The following TENT4B variants were observed in gnomAD, a reference collection of about 807,000 sequenced individuals.
TENT4B encodes the protein PAP associated domain containing 5.
In TENT4B, 10 loss-of-function variants were observed where a neutral mutation model predicts 75.0. That is an observed-to-expected ratio of 0.13 (90% CI 0.08 to 0.23). The LOEUF is 0.23. TENT4B is among the 10% of genes least tolerant of loss of function. TENT4B has a pLI of 1.00. For synonymous variants in TENT4B, 350 were observed against 357.7 expected (o/e 0.98, Z 0.24); for missense variants, 579 against 893.8 (o/e 0.65, Z 4.49).
Position 50,233,948 on chromosome 16 carries a change from T to C in TENT4B, c.*4620T>C. ...GTATTTCAGTGAACATTTTTATTAGTAGTTGCATATCATCTCTAGTTCCAC... is the reference window on the plus strand; with the variant it reads ...GTATTTCAGTGAACATTTTTATTAGCAGTTGCATATCATCTCTAGTTCCAC... On this transcript the variant is annotated 3_prime_UTR_variant, in exon 12 of 12. Coordinates refer to ENST00000561678, the MANE Select transcript of TENT4B (RefSeq NM_001365324.3). 1.0e-5 allele frequency: 10 copies of C among 985,482 alleles called. No individual in the cohort carries two copies. Among genetic ancestry groups the C allele is most frequent in the Non-Finnish European group, 1.2e-5 (10 of 829,936 alleles). The allele number at this position is 985,482 out of a possible 1,614,324, so 61.0% of individuals were successfully genotyped here.
intron 10 of TENT4B, 128 bp downstream of exon 10, chr16:50,225,413 C>T: frequency 2.2e-6 from 2 of 893,776 alleles, no homozygotes; most frequent in Non-Finnish European, 3.2e-6. Context: ...TAATAACTTT[C>T]ATGCTTGTAC....
intron 1 of TENT4B, among the ~76,000 whole-genome samples, chr16:50,207,083 G>A (rs1217118101): frequency 6.8e-6 from 1 of 146,150 alleles, no homozygotes. Context: ...TTTTTTTTTG[G>A]CATCCTTTCC....
Position 50,234,391 on chromosome 16 carries a change from A to G in TENT4B, c.*5063A>G. 3 of 985,432 alleles carry G rather than the reference A, an allele frequency of 3.0e-6. No homozygotes were observed. Among genetic ancestry groups the G allele is most frequent in the Non-Finnish European group, 3.6e-6 (3 of 829,934 alleles). 61.0% of individuals were successfully genotyped at this position (985,432 alleles called of 1,614,324 possible). A position where few individuals can be genotyped will look rare whatever the true frequency, so the allele number is the denominator to read the frequency against. On this transcript the variant is annotated 3_prime_UTR_variant, in exon 12 of 12. Coordinates refer to ENST00000561678, the MANE Select transcript of TENT4B (RefSeq NM_001365324.3). ...GTGAAGTTCAGTACTTGCCTCTTAG[A>G]GGTTAGGCCATGCCTTTCAAAGAGA...
At chr16:50,196,019 G>A (rs1210138850) in intron 1 of TENT4B, among the ~76,000 whole-genome samples, 1 of 152,192 alleles carries the variant, frequency 6.6e-6, no homozygotes, top group East Asian at 1.9e-4. Flanking sequence ...AATAGTCAAT[G>A]TAGAACTTTA....
At chr16:50,175,040 C>T (rs1408050131) in intron 1 of TENT4B, among the ~76,000 whole-genome samples, 1 of 152,012 alleles carries the variant, frequency 6.6e-6, no homozygotes, top group Non-Finnish European at 1.5e-5. Flanking sequence ...CATGCCTGGC[C>T]CCTCTTACTC....
intron 11 of TENT4B, among the ~76,000 whole-genome samples, chr16:50,228,745 G>A (rs1280376061): frequency 2.0e-5 from 3 of 152,210 alleles, no homozygotes; most frequent in East Asian, 1.9e-4. Context: ...CTGAGGTCAC[G>A]AGAAAGCCAC....
At chr16:50,163,417 CTT>C (rs559720798) in intron 1 of TENT4B, among the ~76,000 whole-genome samples, 21 of 132,942 alleles carry the variant, frequency 1.6e-4, no homozygotes, top group Admixed American at 1.5e-4. Flanking sequence ...GATATAATTT[CTT>C]TTTTTTTTTT....
rs767069531 is a variant in TENT4B, at chr16:50,154,187, G to A, written c.566G>A (p.Arg189Gln). 7.0e-5 allele frequency: 106 copies of A among 1,506,410 alleles called. No individual in the cohort carries two copies. Among genetic ancestry groups the A allele is most frequent in the Admixed American group, 1.6e-4 (7 of 45,036 alleles). 93.3% of individuals were successfully genotyped at this position (1,506,410 alleles called of 1,614,324 possible). A position where few individuals can be genotyped will look rare whatever the true frequency, so the allele number is the denominator to read the frequency against. ...GGAGGGCGGGCCGCGGGGGGCGGCCGAGCAGACGGCGGCGGGGTCGTGTAC... is the reference window on the plus strand; with the variant it reads ...GGAGGGCGGGCCGCGGGGGGCGGCCAAGCAGACGGCGGCGGGGTCGTGTAC... ...PSGGRAAGGG[R>Q]ADGGGVVYSG... Residue 189 changes from arginine to glutamine, a missense_variant, in exon 1 of 12, where the codon CGA (arginine) becomes CAA (glutamine). Physicochemically the swap from Arg to Gln is conservative, Grantham distance 43. Transcript: ENST00000561678.
chr16:50,224,936 T>C lies in TENT4B; in HGVS notation c.1554T>C (p.Tyr518=), dbSNP rs767230719. ...GAGTAACAGATGAAGTTGCCACATA[T>C]AGAGATTGGATATCAAAGCAGTGGG... ...IIRVTDEVAT[Y]RDWISKQWGL... Residue 518 remains tyrosine, a synonymous_variant, in exon 9 of 12, where the codon TAT becomes TAC. Coordinates refer to ENST00000561678, the MANE Select transcript of TENT4B (RefSeq NM_001365324.3). 32 of 1,613,798 alleles carry C rather than the reference T, an allele frequency of 2.0e-5. 1 individual carries two copies. The highest frequency in any genetic ancestry group is 1.6e-4 in the Middle Eastern group (1 of 6,082).
chr16:50,189,511 T>G (rs1325488312), intron 1 of TENT4B, among the ~76,000 whole-genome samples: 2 of 152,154 alleles, frequency 1.3e-5, no homozygotes, highest in Admixed American at 6.6e-5. Context: ...GACTAAAACA[T>G]GAACTGAGGC....
chr16:50,208,270 AT>A (rs2031094050), intron 1 of TENT4B, among the ~76,000 whole-genome samples: 1 of 152,210 alleles, frequency 6.6e-6, no homozygotes, highest in Admixed American at 6.5e-5. Context: ...GCCATGGGCT[AT>A]TGATTGTTGA....
chr16:50,154,407 C>G, intron 1 of TENT4B, 148 bp downstream of exon 1: 1 of 1,236,076 alleles, frequency 8.1e-7, no homozygotes, highest in Non-Finnish European at 1.0e-6. Flanking sequence ...GCTGGCCATC[C>G]CCAACCCCCC....
Position 50,233,535 on chromosome 16 carries a change from A to G in TENT4B, c.*4207A>G. On this transcript the variant is annotated 3_prime_UTR_variant, in exon 12 of 12. Coordinates refer to ENST00000561678, the MANE Select transcript of TENT4B (RefSeq NM_001365324.3). ...TTTGGTCAAAGATAATGAGCTAAAT[A>G]TATATAGACGTTGAATGTTGACAAA... 2.0e-6 allele frequency: 2 copies of G among 985,156 alleles called. No homozygotes were observed. The highest frequency in any genetic ancestry group is 2.4e-6 in the Non-Finnish European group (2 of 829,788). The allele number at this position is 985,156 out of a possible 1,614,324, so 61.0% of individuals were successfully genotyped here.
Position 50,155,890 on chromosome 16 carries a change from C to T in TENT4B, c.638+1631C>T, listed in dbSNP as rs181355289. 6.8e-4 allele frequency among the ~76,000 whole-genome samples: 104 copies of T among 152,224 alleles called. 1 individual carries two copies. The South Asian group carries it at 0.01, about 15-fold the overall frequency. On this transcript the variant is annotated intron_variant, in intron 1 of 11. Coordinates refer to ENST00000561678, the MANE Select transcript of TENT4B (RefSeq NM_001365324.3). ...CGAAAACCTTGAAGTTCCTTAATTG[C>T]ATTTTACTGAAGCCTCTTTGCATGT...
rs2032287541 is a variant in TENT4B, at chr16:50,231,340, G to A, written c.*2012G>A. 7 of 981,452 alleles carry A rather than the reference G, an allele frequency of 7.1e-6. No individual in the cohort carries two copies. The highest frequency in any genetic ancestry group is 7.3e-6 in the Non-Finnish European group (6 of 825,942). The allele number at this position is 981,452 out of a possible 1,614,324, so 60.8% of individuals were successfully genotyped here. ...GACAATTGTGAATGTGTAGACTTAT[G>A]TTTACTGCTAAGGGAACAATTATTT... On this transcript the variant is annotated 3_prime_UTR_variant, in exon 12 of 12. Coordinates refer to ENST00000561678, the MANE Select transcript of TENT4B (RefSeq NM_001365324.3).
At chr16:50,201,749 A>G (rs1026156014) in intron 1 of TENT4B, among the ~76,000 whole-genome samples, 4 of 151,782 alleles carry the variant, frequency 2.6e-5, no homozygotes, top group African/African-American at 7.3e-5. Context: ...AGGCTGAGAC[A>G]TGAGAATCAC....
rs773800089 is a variant in TENT4B, at chr16:50,225,246, G to T, written c.1761G>T (p.Val587=). ...CTTCAAACTCTTCATCAGGTCCAGT[G>T]TCGTCCTCTTCTGCCACACAGTCCA... ...KHSSNSSSGP[V]SSSSATQSSS... The change falls in exon 10 of 12, where the codon GTG becomes GTT. Residue 587 remains valine (V), a synonymous_variant. Coordinates refer to ENST00000561678, the MANE Select transcript of TENT4B (RefSeq NM_001365324.3). The T allele has an allele frequency of 2.2e-5, 35 of 1,610,032 alleles. No homozygotes were observed. The highest frequency in any genetic ancestry group is 2.9e-5 in the Non-Finnish European group (34 of 1,177,166).
intron 1 of TENT4B, among the ~76,000 whole-genome samples, chr16:50,167,619 A>G (rs2038126244): frequency 6.6e-6 from 1 of 151,696 alleles, no homozygotes; most frequent in Non-Finnish European, 1.5e-5. Context: ...TATGAGTTTT[A>G]TAGTTTTAGC....
chr16:50,225,068 A>G, intron 9 of TENT4B, 30 bp from the exon 10 acceptor site: 2 of 1,608,506 alleles, frequency 1.2e-6, no homozygotes, highest in Non-Finnish European at 1.7e-6. Flanking sequence ...ATGGGAAGAA[A>G]CGTTTTCCAA....
Sources: gnomAD v4.1 joint callset for allele counts (sites outside exome capture counted in the v4.1 genomes callset) on GRCh38, gnomAD v4.1.1 for gene constraint, MANE v1.5 for transcripts, NCBI Gene and HGNC (gene_info 2026-07-23, HGNC 2026-07-21) for gene names.